Variants in NFATC2 observed in about 807,000 individuals in gnomAD.
NFATC2 encodes the protein nuclear factor of activated T-cells, cytoplasmic 2.
A neutral mutation model predicts 87.3 loss-of-function variants in NFATC2; 22 were observed. The observed-to-expected ratio is 0.25, with a 90% CI of 0.18 to 0.36. NFATC2 has a LOEUF of 0.36. Among genes scored for constraint, NFATC2 ranks in the 10% least tolerant of loss-of-function variants. The pLI is 1.00. For synonymous variants in NFATC2, 565 were observed against 542.2 expected, an observed-to-expected ratio of 1.04 and a Z score of -0.58; for missense variants, 1,149 against 1,259.1, an observed-to-expected ratio of 0.91 and a Z score of 1.32.
intron 9 of NFATC2, among the ~76,000 whole-genome samples, chr20:51,428,935 G>A (rs754860134): frequency 6.6e-6 from 1 of 152,190 alleles, no homozygotes; most frequent in Non-Finnish European, 1.5e-5. Context: ...AATATGTGCC[G>A]TGTGCGACAG....
At chr20:51,439,054 C>T (rs538276550) in intron 6 of NFATC2, among the ~76,000 whole-genome samples, 57 of 152,294 alleles carry the variant, frequency 3.7e-4, no homozygotes, top group African/African-American at 1.4e-3. Flanking sequence ...GGGTCACTCA[C>T]CACAAAGATT....
rs182781365 is a variant in NFATC2, at chr20:51,510,986, A to G, written c.1332+5798T>C. On this transcript the variant is annotated intron_variant, in intron 3 of 10. Coordinates refer to ENST00000371564, the MANE Select transcript of NFATC2 (RefSeq NM_012340.5). Reference sequence around the variant, plus strand: ...GCATATTTGCCATGAGCCAAATTCAACCCAAAGTTTGATTTATGGCCAAAA... The same window carrying G: ...GCATATTTGCCATGAGCCAAATTCAGCCCAAAGTTTGATTTATGGCCAAAA... Among the ~76,000 whole-genome samples the G allele has an allele frequency of 1.2e-4, 19 of 152,336 alleles. No homozygotes were observed. In the East Asian group the frequency reaches 3.7e-3, roughly 29 times the overall value.
At chr20:51,400,085 C>G (rs796688943) in intron 9 of NFATC2, among the ~76,000 whole-genome samples, 13 of 152,242 alleles carry the variant, frequency 8.5e-5, no homozygotes, top group African/African-American at 3.1e-4. Context: ...TGTTCACAGC[C>G]CACATCCCAC....
Position 51,542,465 on chromosome 20 carries a change from C to T in NFATC2, c.35G>A (p.Gly12Asp), listed in dbSNP as rs757748401. The T allele has an allele frequency of 5.1e-6, 8 of 1,569,866 alleles. No individual in the cohort carries two copies. The highest frequency in any genetic ancestry group is 6.9e-6 in the Non-Finnish European group (8 of 1,162,422). The change falls in exon 1 of 11, where the codon GGC (glycine) becomes GAC (aspartate). Residue 12 changes from glycine (G) to aspartate (D), a missense_variant. Coordinates refer to ENST00000371564, the MANE Select transcript of NFATC2 (RefSeq NM_012340.5). Reference sequence around the variant, plus strand: ...AGGCTCGTGGCCTGGGGCGTCCCCGCCGTCGGGTTGGGGCTGCCGCTCGGG... The same window carrying T: ...AGGCTCGTGGCCTGGGGCGTCCCCGTCGTCGGGTTGGGGCTGCCGCTCGGG... ...NAPERQPQPD[G>D]GDAPGHEPGG... is the part of the protein sequence containing the mutation.
intron 9 of NFATC2, among the ~76,000 whole-genome samples, chr20:51,409,811 G>C (rs1267991591): frequency 6.6e-6 from 1 of 152,212 alleles, no homozygotes; most frequent in Non-Finnish European, 1.5e-5. Flanking sequence ...ATGGCAAAGA[G>C]AACAGATGAA....
At chr20:51,431,786 G>A (rs917696994) in intron 9 of NFATC2, among the ~76,000 whole-genome samples, 4 of 151,614 alleles carry the variant, frequency 2.6e-5, no homozygotes, top group African/African-American at 7.3e-5. Flanking sequence ...ATGACCCAGG[G>A]GATGCCGGGT....
intron 3 of NFATC2, among the ~76,000 whole-genome samples, chr20:51,502,569 CAAGTG>C (rs2076107531): frequency 6.6e-6 from 1 of 152,272 alleles, no homozygotes; most frequent in Admixed American, 6.5e-5. Context: ...CTCCTGGCCT[CAAGTG>C]ATCTTTGTGC....
rs1987595173 is a variant in NFATC2 at position 51,398,634 on chromosome 20, A to C, written c.*44+9T>G. The C allele has an allele frequency of 6.3e-7, 1 of 1,582,910 alleles. No individual in the cohort carries two copies. Among genetic ancestry groups the C allele is most frequent in the Non-Finnish European group, 8.6e-7 (1 of 1,162,102 alleles). ...GAAAACAAAAGGAGAAGCAGAAGAT[A>C]TCGATTACCTTTAACTTTGATTTCT... On this transcript the variant is annotated intron_variant, in intron 10 of 10. Coordinates refer to ENST00000371564, the MANE Select transcript of NFATC2 (RefSeq NM_012340.5).
At chr20:51,468,982 G>A (rs180965059) in intron 5 of NFATC2, among the ~76,000 whole-genome samples, 1 of 151,834 alleles carries the variant, frequency 6.6e-6, no homozygotes, top group East Asian at 1.9e-4. Flanking sequence ...GCCACATCCT[G>A]ACAACCAAAT....
chr20:51,483,424 G>T (rs889853669), intron 3 of NFATC2, among the ~76,000 whole-genome samples: 1 of 152,004 alleles, frequency 6.6e-6, no homozygotes, highest in Non-Finnish European at 1.5e-5. Flanking sequence ...GAAAGAAAAA[G>T]CCCAGGGTGG....
chr20:51,533,332 C>T (rs2076667045), intron 1 of NFATC2, among the ~76,000 whole-genome samples: 1 of 152,248 alleles, frequency 6.6e-6, no homozygotes, highest in Non-Finnish European at 1.5e-5. Flanking sequence ...AGCAAACTTT[C>T]TGACAAGCCC....
In NFATC2 at chr20:51,432,636, G is replaced by A; in HGVS notation, c.2153C>T (p.Pro718Leu). The change falls in exon 9 of 11, where the codon CCC (proline) becomes CTC (leucine). Residue 718 changes from proline (P) to leucine (L), a missense_variant. Physicochemically the swap from Pro to Leu is moderately conservative, Grantham distance 98. Coordinates refer to ENST00000371564, the MANE Select transcript of NFATC2 (RefSeq NM_012340.5). The surrounding 1 kb of genome is among the most constrained non-coding windows in gnomAD (Gnocchi z 4.6). ...AGCCATGGTGGCCACGAGGCAGGAGGGGGACTCGGCCACCATCGGGTGCTG... is the reference window on the plus strand; with the variant it reads ...AGCCATGGTGGCCACGAGGCAGGAGAGGGACTCGGCCACCATCGGGTGCTG... ...YPQHPMVAESPSCLVATMAPC... is the reference protein window; with the variant it reads ...YPQHPMVAESLSCLVATMAPC... 6.5e-7 allele frequency: 1 copy of A among 1,539,258 alleles called. No homozygotes were observed. Among genetic ancestry groups the A allele is most frequent in the South Asian group, 1.3e-5 (1 of 79,244 alleles).
In NFATC2 at chr20:51,528,414, TAC is replaced by T. The variant is rs901542438; in HGVS notation, c.131-4306_131-4305del. Among the ~76,000 whole-genome samples, 3 of 126,878 alleles carry T rather than the reference TAC, an allele frequency of 2.4e-5. No homozygotes were observed. The South Asian group carries it at 8.2e-4, about 35-fold the overall frequency. 83.2% of individuals were successfully genotyped at this position (126,878 alleles called of 152,430 possible). A position where few individuals can be genotyped will look rare whatever the true frequency, so the allele number is the denominator to read the frequency against. ...AACACAGAGAGATGTACACACAATG[TAC>T]ACAGACAGATGTACACACAGATGTA... On this transcript the variant is annotated intron_variant, in intron 1 of 10. Transcript: ENST00000371564.
chr20:51,536,812 C>T lies in NFATC2; in HGVS notation c.130+5558G>A, dbSNP rs909815037. ...GGCTTATTAAGGCCTGTCTTTAACT[C>T]AACACAGAAGGCAATGTCTCTGAAT... On this transcript the variant is annotated intron_variant, in intron 1 of 10. Coordinates refer to ENST00000371564, the MANE Select transcript of NFATC2 (RefSeq NM_012340.5). 9.2e-5 allele frequency among the ~76,000 whole-genome samples: 14 copies of T among 152,270 alleles called. No homozygotes were observed. In the East Asian group the frequency reaches 9.6e-4, roughly 10 times the overall value.
At position 51,465,808 on chromosome 20, in the gene NFATC2, T is replaced by A. The variant is rs73271814; in HGVS notation, c.1708+8172A>T. Among the ~76,000 whole-genome samples the A allele has an allele frequency of 5.0e-3, 758 of 152,226 alleles. 5 individuals are homozygous for A. The highest frequency in any genetic ancestry group is 0.017 in the African/African-American group (717 of 41,546). On this transcript the variant is annotated intron_variant, in intron 5 of 10. Transcript: ENST00000371564. ...AAATGCTGTCTTTGCTTGTTTACTG[T>A]CTGTCTTCCCCACTAGAATGTAACC...
chr20:51,486,951 A>G (rs1242664824), intron 3 of NFATC2, among the ~76,000 whole-genome samples: 1 of 152,182 alleles, frequency 6.6e-6, no homozygotes, highest in African/African-American at 2.4e-5. Context: ...GAAGTTTACA[A>G]TCTTGAGATT....
chr20:51,466,019 C>T (rs1402638692), intron 5 of NFATC2, among the ~76,000 whole-genome samples: 2 of 152,108 alleles, frequency 1.3e-5, no homozygotes, highest in African/African-American at 4.8e-5. Flanking sequence ...ATTCACAAAG[C>T]GAAGCACAGT....
intron 9 of NFATC2, among the ~76,000 whole-genome samples, chr20:51,429,255 T>C (rs1334205380): frequency 1.3e-5 from 2 of 152,214 alleles, no homozygotes; most frequent in Non-Finnish European, 2.9e-5. Flanking sequence ...AGTCTGGGGC[T>C]TGCCACTGGG....
At chr20:51,467,157 C>T (rs1163769482) in intron 5 of NFATC2, among the ~76,000 whole-genome samples, 1 of 150,228 alleles carries the variant, frequency 6.7e-6, no homozygotes, top group East Asian at 1.9e-4. Context: ...ACAAATCTGA[C>T]AAAGGACTTA....
Sources: gnomAD v4.1 joint callset for allele counts (sites outside exome capture counted in the v4.1 genomes callset) on GRCh38, gnomAD v4.1.1 for gene constraint, Gnocchi (gnomAD v3.1) non-coding constraint, MANE v1.5 for transcripts, NCBI Gene and HGNC (gene_info 2026-07-23, HGNC 2026-07-21) for gene names.